Variants in TRAP1 observed in about 807,000 individuals in gnomAD.
The protein encoded by TRAP1 is TNF receptor associated protein 1.
In TRAP1, 102 loss-of-function variants were observed where a neutral mutation model predicts 89.1. The observed-to-expected ratio is 1.15, with a 90% CI of 0.98 to 1.35. TRAP1 has a LOEUF of 1.35. Ranked by LOEUF, TRAP1 falls within the 40% of genes most tolerant of loss-of-function variation. The probability of loss-of-function intolerance (pLI) is 0.00; values close to 1 mark genes in which losing one functional copy is unlikely to be tolerated. For missense variants in TRAP1, 1,256 were observed against 945.3 expected (o/e 1.33, Z -4.31); for synonymous variants, 508 against 388.0 (o/e 1.31, Z -3.64).
intron 1 of TRAP1, among the ~76,000 whole-genome samples, chr16:3,693,514 C>A (rs2051244821): frequency 6.6e-6 from 1 of 152,172 alleles, no homozygotes; most frequent in African/African-American, 2.4e-5. Flanking sequence ...CAAAGCACAG[C>A]CAGCCCTGGG....
At position 3,664,236 on chromosome 16, in the gene TRAP1, G is replaced by A. The variant is rs536877144; in HGVS notation, c.1569+38C>T. ...AGAAGGTCAAGACCCTCCCCAGGTT[G>A]CAGCCCCCGGAGCCCGCCCCACCCA... On this transcript the variant is annotated intron_variant, in intron 13 of 17. Coordinates refer to ENST00000246957, the MANE Select transcript of TRAP1 (RefSeq NM_016292.3). 12 of 1,503,356 alleles carry A rather than the reference G, an allele frequency of 8.0e-6. No homozygotes were observed. In the East Asian group the frequency reaches 2.6e-4, roughly 33 times the overall value. 93.1% of individuals were successfully genotyped at this position (1,503,356 alleles called of 1,614,324 possible).
At chr16:3,674,588 G>A (rs560108087) in intron 8 of TRAP1, 94 bp from the exon 9 acceptor site, 5 of 1,473,388 alleles carry the variant, frequency 3.4e-6, no homozygotes, top group Non-Finnish European at 4.6e-6. Context: ...GCCTGGCCCT[G>A]GACAGGCTCC....
chr16:3,704,910 TAG>T (rs2051419589), intron 1 of TRAP1, among the ~76,000 whole-genome samples: 1 of 151,636 alleles, frequency 6.6e-6, no homozygotes, highest in East Asian at 1.9e-4. Context: ...AGATGGACCA[TAG>T]AAGTAAAAAT....
Position 3,672,820 on chromosome 16 carries a change from T to C in TRAP1, c.1045A>G (p.Lys349Glu), listed in dbSNP as rs890323620. 2 of 1,612,292 alleles carry C rather than the reference T, an allele frequency of 1.2e-6. No individual in the cohort carries two copies. The highest frequency in any genetic ancestry group is 1.3e-5 in the African/African-American group (1 of 75,018). ...CGGCTCACATCAAACATGGACGGTT[T>C]CTGGGGGTGAGGAGAACACGCCATC... is the stretch of plus-strand genomic sequence containing the variant. ...IRSIFYVPDM[K>E]PSMFDVSREL... Residue 349 changes from lysine (K) to glutamate (E), a missense_variant and splice_region_variant, in exon 10 of 18, where the codon AAA becomes GAA. By Grantham distance (56) the Lys-to-Glu change is moderately conservative. Transcript: ENST00000246957.
intron 1 of TRAP1, among the ~76,000 whole-genome samples, chr16:3,693,984 C>T (rs1340553410): frequency 3.2e-5 from 4 of 124,924 alleles, no homozygotes; most frequent in Non-Finnish European, 6.5e-5. Context: ...CTGGGTGAGA[C>T]AGCGAGACTC....
chr16:3,714,978 CCAAA>C (rs1235705907), intron 1 of TRAP1, among the ~76,000 whole-genome samples: 2 of 152,172 alleles, frequency 1.3e-5, no homozygotes, highest in African/African-American at 4.8e-5. Context: ...TTCAATCAAT[CCAAA>C]CAATTTACCT....
intron 10 of TRAP1, 104 bp from the exon 11 acceptor site, chr16:3,671,895 G>C: frequency 8.2e-7 from 1 of 1,220,184 alleles, no homozygotes; most frequent in East Asian, 2.4e-5. Context: ...CTTCAACCCA[G>C]CACGTGTGCT....
chr16:3,677,257 C>T (rs910383626), intron 6 of TRAP1, among the ~76,000 whole-genome samples: 8 of 152,082 alleles, frequency 5.3e-5, no homozygotes, highest in African/African-American at 1.9e-4. Context: ...AGGAGCTCAG[C>T]GCGGGCCGGA....
intron 3 of TRAP1, among the ~76,000 whole-genome samples, chr16:3,688,747 G>T (rs2051171927): frequency 6.6e-6 from 1 of 152,096 alleles, no homozygotes; most frequent in African/African-American, 2.4e-5. Flanking sequence ...ACCTCCCAAA[G>T]CACTGAGTTC....
In TRAP1 at chr16:3,677,534, G is replaced by A. The variant is rs747056210; in HGVS notation, c.668C>T (p.Ala223Val). 1.9e-6 allele frequency: 3 copies of A among 1,614,032 alleles called. No individual in the cohort carries two copies. Among genetic ancestry groups the A allele is most frequent in the African/African-American group, 1.3e-5 (1 of 74,920 alleles). The change falls in exon 6 of 18, where the codon GCC becomes GTC. Residue 223 changes from alanine to valine, a missense_variant. Ala to Val is a moderately conservative substitution (Grantham distance 64, BLOSUM62 0). Transcript: ENST00000246957. ...CCACTGGTAACCCAGGCTCCCCGGGGCTGCCGAGCGGGAATAGACCTCCAC... is the reference window on the plus strand; with the variant it reads ...CCACTGGTAACCCAGGCTCCCCGGGACTGCCGAGCGGGAATAGACCTCCAC... ...DRVEVYSRSA[A>V]PGSLGYQWLS...
chr16:3,672,970 G>T (rs779476932), intron 9 of TRAP1, 150 bp from the exon 10 acceptor site: 22 of 1,119,738 alleles, frequency 2.0e-5, no homozygotes, highest in Non-Finnish European at 2.7e-5. Context: ...CAGTGCAGGG[G>T]CCCCACGATG....
intron 14 of TRAP1, 130 bp downstream of exon 14, chr16:3,663,294 A>G: frequency 1.6e-6 from 2 of 1,255,976 alleles, no homozygotes; most frequent in East Asian, 2.4e-5. Flanking sequence ...GTGCTCCCAC[A>G]AGGCTCTTCT....
At chr16:3,663,014 C>T (rs2043173176) in intron 14 of TRAP1, 47 bp from the exon 15 acceptor site, 2 of 1,498,094 alleles carry the variant, frequency 1.3e-6, no homozygotes, top group African/African-American at 2.8e-5. Context: ...ATCCCAACTC[C>T]CCGGCTTCCA....
chr16:3,696,965 G>A (rs1478386275), intron 1 of TRAP1, among the ~76,000 whole-genome samples: 1 of 152,128 alleles, frequency 6.6e-6, no homozygotes, highest in African/African-American at 2.4e-5. Flanking sequence ...GAGCTCAAGT[G>A]ATCCCCCGGC....
chr16:3,676,163 A>T lies in TRAP1; in HGVS notation c.705-18T>A. 1.2e-6 allele frequency: 2 copies of T among 1,609,038 alleles called. No homozygotes were observed. The highest frequency in any genetic ancestry group is 1.7e-6 in the Non-Finnish European group (2 of 1,176,588). ...CTCCAGAACTAAGGCAGGCAAAGAA[A>T]GGAAAAGCCAGGTGGATGTGACACT... On this transcript the variant is annotated intron_variant, in intron 6 of 17. Transcript: ENST00000246957.
At position 3,662,102 on chromosome 16, in the gene TRAP1, T is replaced by C. The variant is rs1245215356; in HGVS notation, c.1825A>G (p.Met609Val). ...VTLRLDTHPAMVTVLEMGAAR... is the reference protein window; with the variant it reads ...VTLRLDTHPAVVTVLEMGAAR... ...GCCCCCATCTCCAGCACGGTGACCA[T>C]GGCAGGGTGGGTGTCCAGTCGGAGG... Residue 609 changes from methionine to valine, a missense_variant, in exon 16 of 18, where the codon ATG (methionine) becomes GTG (valine). Physicochemically the swap from Met to Val is conservative, Grantham distance 21 (BLOSUM62 1). Coordinates refer to ENST00000246957, the MANE Select transcript of TRAP1 (RefSeq NM_016292.3). 2 of 1,613,068 alleles carry C rather than the reference T, an allele frequency of 1.2e-6. No individual in the cohort carries two copies. Among genetic ancestry groups the C allele is most frequent in the East Asian group, 2.2e-5 (1 of 44,856 alleles).
chr16:3,678,001 T>C (rs1211967066), intron 5 of TRAP1: 2 of 239,574 alleles, frequency 8.3e-6, no homozygotes, highest in Admixed American at 1.0e-4. Context: ...GCTCCTTCCA[T>C]AGGAAGGCCA....
In TRAP1 at chr16:3,695,334, T is replaced by C. The variant is rs561780765; in HGVS notation, c.89-4349A>G. ...ACACTTCCACATACATCTTTTCGTA[T>C]GTCTCTCTTAGAACCATGGTCAGGT... On this transcript the variant is annotated intron_variant, in intron 1 of 17. Transcript: ENST00000246957. Among the ~76,000 whole-genome samples, 5 of 152,210 alleles carry C rather than the reference T, an allele frequency of 3.3e-5. No homozygotes were observed. The South Asian group carries it at 6.2e-4, about 19-fold the overall frequency.
intron 1 of TRAP1, among the ~76,000 whole-genome samples, chr16:3,705,865 T>TATA (rs1567245292): frequency 6.7e-6 from 1 of 148,654 alleles, no homozygotes; most frequent in African/African-American, 2.5e-5. Flanking sequence ...ATATATATAT[T>TATA]TTTTTTTAGT....
Sources: allele counts gnomAD v4.1 joint callset (sites outside exome capture counted in the v4.1 genomes callset), GRCh38; gene constraint gnomAD v4.1.1; transcripts MANE v1.5; gene names NCBI Gene and HGNC (gene_info 2026-07-23, HGNC 2026-07-21).